Variants in GLIS3 observed in about 807,000 individuals in gnomAD.
GLIS3 encodes the protein GLIS family zinc finger 3, also known as zinc finger protein GLIS3.
Under a neutral mutation model 78.6 loss-of-function variants are expected in GLIS3, and 53 were observed. That is an observed-to-expected ratio of 0.67 (90% CI 0.54 to 0.85). GLIS3 has a LOEUF of 0.85. GLIS3 is among the 40% of genes least tolerant of loss of function. The pLI is 0.00. For missense variants in GLIS3, 1,703 were observed against 1,231.1 expected (o/e 1.38, Z -5.74); for synonymous variants, 684 against 509.9 (o/e 1.34, Z -4.60).
At chr9:3,928,493 G>A (rs1293108657) in intron 6 of GLIS3, among the ~76,000 whole-genome samples, 1 of 152,156 alleles carries the variant, frequency 6.6e-6, no homozygotes, top group African/African-American at 2.4e-5. Context: ...AAGATTCAAA[G>A]AACTGTACAA....
intron 2 of GLIS3, among the ~76,000 whole-genome samples, chr9:4,220,206 C>G (rs1821198860): frequency 6.6e-6 from 1 of 152,124 alleles, no homozygotes; most frequent in African/African-American, 2.4e-5. Flanking sequence ...AATAAATAAT[C>G]TTTCTAAAAC....
At chr9:4,468,488 C>G in the GLIS3 span, among the ~76,000 whole-genome samples, 8 of 152,328 alleles carry the variant, frequency 5.3e-5, 1 homozygote, top group Middle Eastern at 0.02. Context: ...ATTCAACATT[C>G]TTAAAGAAAA....
At chr9:4,324,240 GT>G (rs1412250332) in intron 2 of GLIS3, among the ~76,000 whole-genome samples, 1 of 152,140 alleles carries the variant, frequency 6.6e-6, no homozygotes, top group Admixed American at 6.5e-5. Flanking sequence ...AAAACTTGGT[GT>G]TTTTATTTTA....
At chr9:3,991,396 C>A (rs373723440) in intron 4 of GLIS3, among the ~76,000 whole-genome samples, 9 of 151,926 alleles carry the variant, frequency 5.9e-5, no homozygotes, top group Admixed American at 5.2e-4. Flanking sequence ...ACATTAAGTA[C>A]AAGAGACAGC....
intron 2 of GLIS3, among the ~76,000 whole-genome samples, chr9:4,313,741 T>C (rs1390780897): frequency 1.3e-5 from 2 of 152,162 alleles, no homozygotes; most frequent in African/African-American, 4.8e-5. Flanking sequence ...TAAGATCAAG[T>C]TCCAATGCCA....
the GLIS3 span, among the ~76,000 whole-genome samples, chr9:4,370,878 C>G: frequency 6.6e-6 from 1 of 152,008 alleles, no homozygotes; most frequent in African/African-American, 2.4e-5. Flanking sequence ...ATAGGAACCA[C>G]AAATTAGTGA....
At chr9:3,985,917 C>A (rs1819708066) in intron 4 of GLIS3, among the ~76,000 whole-genome samples, 1 of 152,176 alleles carries the variant, frequency 6.6e-6, no homozygotes, top group Admixed American at 6.5e-5. Context: ...TATTGCTAAT[C>A]TATAAACTAC....
intron 2 of GLIS3, among the ~76,000 whole-genome samples, chr9:4,243,927 T>A (rs999546412): frequency 4.6e-5 from 7 of 152,242 alleles, no homozygotes; most frequent in Admixed American, 6.5e-5. Flanking sequence ...AGGGTCTACA[T>A]GACTATTCCA....
rs558493831 is a variant in GLIS3, at chr9:4,319,022, G to C, written n.265-8494C>G. 3.3e-5 allele frequency among the ~76,000 whole-genome samples: 5 copies of C among 152,204 alleles called. No individual in the cohort carries two copies. The East Asian group carries it at 9.6e-4, about 29-fold the overall frequency. On this transcript the variant is annotated intron_variant and non_coding_transcript_variant, in intron 2 of 4. Coordinates refer to the GLIS3 transcript ENST00000471664. ...AAATGATCAAGCACTCAATTGGAGG[G>C]GCATTCTGTAAAACAGCTGGCCTGT...
intron 7 of GLIS3, among the ~76,000 whole-genome samples, chr9:3,887,895 C>T (rs1822183986): frequency 2.6e-5 from 4 of 152,152 alleles, no homozygotes. Context: ...TTCACACAGC[C>T]CTCTTAGATC....
rs1817873133 is a variant in GLIS3 at position 4,344,237 on chromosome 9, T to C, written n.264+2844A>G. Among the ~76,000 whole-genome samples the C allele has an allele frequency of 2.6e-5, 4 of 152,094 alleles. No individual in the cohort carries two copies. The South Asian group carries it at 8.3e-4, about 32-fold the overall frequency. On this transcript the variant is annotated intron_variant and non_coding_transcript_variant, in intron 2 of 4. Transcript: ENST00000471664. ...TTTTTATTTGCCCCAGGGTTTCCTC[T>C]CTTCCCTCCCACCCCCACTACCATT...
intron 9 of GLIS3, among the ~76,000 whole-genome samples, chr9:3,837,034 T>C (rs1185678237): frequency 2.0e-5 from 3 of 152,178 alleles, no homozygotes; most frequent in South Asian, 2.1e-4. Flanking sequence ...TGGGCTGCTT[T>C]ACAAGTTGGA....
chr9:4,293,728 T>C (rs1035253658), intron 1 of GLIS3, among the ~76,000 whole-genome samples: 1 of 152,220 alleles, frequency 6.6e-6, no homozygotes, highest in African/African-American at 2.4e-5. Context: ...AAATCACTGG[T>C]ATTCAGAAAG....
rs901324584 is a variant in GLIS3, at chr9:3,977,727, A to G, written c.1711-40538T>C. ...TTTAATAGTTCTTTTATACAAGTACATATTTCAGAAGTTTGCAAGGCATTC... is the reference window on the plus strand; with the variant it reads ...TTTAATAGTTCTTTTATACAAGTACGTATTTCAGAAGTTTGCAAGGCATTC... On this transcript the variant is annotated intron_variant, in intron 4 of 10. Transcript: ENST00000381971. The surrounding 1 kb of genome is among the most constrained non-coding windows in gnomAD (Gnocchi z 4.1). 2.6e-5 allele frequency among the ~76,000 whole-genome samples: 4 copies of G among 152,228 alleles called. No individual in the cohort carries two copies. The highest frequency in any genetic ancestry group is 9.6e-5 in the African/African-American group (4 of 41,472).
chr9:3,897,594 A>C (rs1483343367), intron 7 of GLIS3, among the ~76,000 whole-genome samples: 1 of 152,188 alleles, frequency 6.6e-6, no homozygotes, highest in Non-Finnish European at 1.5e-5. Context: ...AGCAGAGGCT[A>C]TGTTGTCCCC....
chr9:4,109,654 T>C (rs1434947804), intron 4 of GLIS3, among the ~76,000 whole-genome samples: 1 of 152,188 alleles, frequency 6.6e-6, no homozygotes, highest in Admixed American at 6.5e-5. Flanking sequence ...AGATATTTTT[T>C]ATTGACTAGA....
the GLIS3 span, among the ~76,000 whole-genome samples, chr9:4,479,275 A>G: frequency 1.3e-5 from 2 of 152,180 alleles, no homozygotes; most frequent in East Asian, 1.9e-4. Flanking sequence ...AGAATAAAAG[A>G]TACTTTACAA....
the GLIS3 span, among the ~76,000 whole-genome samples, chr9:4,423,277 G>C: frequency 2.6e-5 from 4 of 152,244 alleles, no homozygotes; most frequent in East Asian, 7.7e-4. Flanking sequence ...CTAATTTTCA[G>C]GGAGCTGAAG....
intron 4 of GLIS3, 66 bp from the exon 5 acceptor site, chr9:3,937,255 TAA>T: frequency 6.3e-6 from 9 of 1,421,576 alleles, no homozygotes; most frequent in South Asian, 1.3e-5. Context: ...GGGGGACAGC[TAA>T]AAAAAAAATG....
Sources: gnomAD v4.1 joint callset for allele counts (sites outside exome capture counted in the v4.1 genomes callset) on GRCh38, gnomAD v4.1.1 for gene constraint, Gnocchi (gnomAD v3.1) non-coding constraint, MANE v1.5 for transcripts, NCBI Gene and HGNC (gene_info 2026-07-23, HGNC 2026-07-21) for gene names.